The following SLC35F3 variants were observed in gnomAD, a reference collection of about 807,000 sequenced individuals.
SLC35F3 encodes the protein putative thiamine transporter SLC35F3.
SLC35F3 carries 25 observed loss-of-function variants against 49.9 expected under a neutral mutation model. That is an observed-to-expected ratio of 0.50 (90% CI 0.37 to 0.70). The LOEUF (loss-of-function observed/expected upper bound fraction) is 0.70. Among genes scored for constraint, SLC35F3 ranks in the 30% least tolerant of loss-of-function variants. The pLI is 0.00. For missense variants in SLC35F3, 525 were observed against 639.8 expected (o/e 0.82, Z 1.94); for synonymous variants, 275 against 265.4 (o/e 1.04, Z -0.35).
At chr1:234,205,186 G>T (rs1166754114) in intron 2 of SLC35F3, among the ~76,000 whole-genome samples, 1 of 152,172 alleles carries the variant, frequency 6.6e-6, no homozygotes, top group Non-Finnish European at 1.5e-5. Flanking sequence ...CTCCCATTCA[G>T]TGAGTTCCCA....
At chr1:234,270,583 C>T (rs539210883) in intron 3 of SLC35F3, among the ~76,000 whole-genome samples, 2 of 151,918 alleles carry the variant, frequency 1.3e-5, no homozygotes, top group Admixed American at 1.3e-4. Flanking sequence ...TTCACTTCAC[C>T]CTCATCCTAC....
intron 2 of SLC35F3, among the ~76,000 whole-genome samples, chr1:234,108,422 T>G (rs1665326566): frequency 1.1e-5 from 1 of 92,380 alleles, no homozygotes; most frequent in African/African-American, 3.7e-5. Context: ...ATATATTATT[T>G]ATATATAAAA....
At chr1:233,983,976 T>C (rs989947965) in intron 2 of SLC35F3, among the ~76,000 whole-genome samples, 2 of 152,198 alleles carry the variant, frequency 1.3e-5, no homozygotes, top group African/African-American at 2.4e-5. Flanking sequence ...AGGATTATCA[T>C]ACCCAACGCA....
At chr1:233,956,849 C>T (rs947201638) in intron 2 of SLC35F3, among the ~76,000 whole-genome samples, 1 of 152,208 alleles carries the variant, frequency 6.6e-6, no homozygotes, top group Non-Finnish European at 1.5e-5. Context: ...ACTCCTTTCC[C>T]ATTCATGGGG....
rs974118405 is a variant in SLC35F3, at chr1:234,318,625, T to C, written c.955-126T>C. 8 of 757,374 alleles carry C rather than the reference T, an allele frequency of 1.1e-5. No individual in the cohort carries two copies. In the African/African-American group the frequency reaches 1.4e-4, roughly 13 times the overall value. 46.9% of individuals were successfully genotyped at this position (757,374 alleles called of 1,614,324 possible). A position where few individuals can be genotyped will look rare whatever the true frequency, so the allele number is the denominator to read the frequency against. ...GAACACAGGCCAAACCCCATGGAAT[T>C]CACCTGGAATCTGGTTTCCATCCTG... On this transcript the variant is annotated intron_variant, in intron 5 of 7. Coordinates refer to ENST00000366618, the MANE Select transcript of SLC35F3 (RefSeq NM_173508.4).
intron 3 of SLC35F3, among the ~76,000 whole-genome samples, chr1:234,266,879 T>TG (rs1437726720): frequency 1.1e-4 from 16 of 148,738 alleles, no homozygotes; most frequent in African/African-American, 2.0e-4. Context: ...CATGGTTTTT[T>TG]TTTTTTTTTT....
chr1:234,016,115 G>A (rs1418904442), intron 2 of SLC35F3, among the ~76,000 whole-genome samples: 3 of 152,152 alleles, frequency 2.0e-5, no homozygotes, highest in Non-Finnish European at 2.9e-5. Flanking sequence ...CATCACACCT[G>A]TCAAAGTGGC....
At chr1:234,259,643 C>T (rs537649072) in intron 3 of SLC35F3, among the ~76,000 whole-genome samples, 10 of 151,958 alleles carry the variant, frequency 6.6e-5, no homozygotes, top group South Asian at 4.2e-4. Flanking sequence ...CGCTGCACTC[C>T]GGCCTGGGTG....
intron 3 of SLC35F3, among the ~76,000 whole-genome samples, chr1:234,292,130 A>G (rs1395132316): frequency 1.3e-5 from 2 of 152,148 alleles, no homozygotes; most frequent in Non-Finnish European, 2.9e-5. Context: ...TCCTATAAAC[A>G]CTGCTGCAGT....
chr1:234,297,412 G>A (rs190982749), intron 3 of SLC35F3, among the ~76,000 whole-genome samples: 3 of 152,264 alleles, frequency 2.0e-5, no homozygotes, highest in Non-Finnish European at 2.9e-5. Context: ...ATGGATGAAT[G>A]GATAAAGTGT....
intron 3 of SLC35F3, among the ~76,000 whole-genome samples, chr1:234,247,627 G>C (rs1667656003): frequency 6.6e-6 from 1 of 152,100 alleles, no homozygotes; most frequent in Admixed American, 6.6e-5. Context: ...CAGTAGGTTG[G>C]TTGGCTGGTC....
chr1:234,198,715 T>C (rs925206887), intron 2 of SLC35F3, among the ~76,000 whole-genome samples: 1 of 152,222 alleles, frequency 6.6e-6, no homozygotes, highest in Non-Finnish European at 1.5e-5. Flanking sequence ...AAAGATTAAG[T>C]CAAGATCGTT....
At chr1:234,232,222 G>C (rs1667390279) in intron 3 of SLC35F3, among the ~76,000 whole-genome samples, 1 of 152,270 alleles carries the variant, frequency 6.6e-6, no homozygotes, top group Admixed American at 6.5e-5. Context: ...GTATGTAATT[G>C]CATGGGTCTG....
In SLC35F3 at chr1:233,905,147, G is replaced by T. The variant is rs989273594; in HGVS notation, c.53+17G>T. 21 of 1,551,480 alleles carry T rather than the reference G, an allele frequency of 1.4e-5. No individual in the cohort carries two copies. The South Asian group carries it at 2.5e-4, about 18-fold the overall frequency. On this transcript the variant is annotated intron_variant, in intron 1 of 7. Transcript: ENST00000366618. ...CATTGCCGTGTGAGTAGCGCCCCGGGCGTGGGTGAGCGAGCCGGCGGGCGG... is the reference window on the plus strand; with the variant it reads ...CATTGCCGTGTGAGTAGCGCCCCGGTCGTGGGTGAGCGAGCCGGCGGGCGG...
At chr1:234,267,511 A>ACCC (rs1254802490) in intron 3 of SLC35F3, among the ~76,000 whole-genome samples, 1 of 128,260 alleles carries the variant, frequency 7.8e-6, no homozygotes, top group African/African-American at 3.3e-5. Context: ...CGGGGGGCTG[A>ACCC]CCCCCCCACC....
chr1:233,990,705 C>T (rs768339930), intron 2 of SLC35F3, among the ~76,000 whole-genome samples: 3 of 152,134 alleles, frequency 2.0e-5, no homozygotes, highest in Non-Finnish European at 4.4e-5. Flanking sequence ...AATGTGTGCA[C>T]ATATCAAAAC....
chr1:234,153,736 T>C (rs1262443779), intron 2 of SLC35F3, among the ~76,000 whole-genome samples: 1 of 152,016 alleles, frequency 6.6e-6, no homozygotes, highest in Non-Finnish European at 1.5e-5. Context: ...ATACCAGCCA[T>C]GGGCAACATG....
At chr1:234,068,542 G>A (rs1664654476) in intron 2 of SLC35F3, among the ~76,000 whole-genome samples, 1 of 151,906 alleles carries the variant, frequency 6.6e-6, no homozygotes, top group Non-Finnish European at 1.5e-5. Flanking sequence ...AGCCATCATA[G>A]AACCCATAAT....
chr1:233,982,806 A>T (rs1035713573), intron 2 of SLC35F3, among the ~76,000 whole-genome samples: 3 of 152,170 alleles, frequency 2.0e-5, no homozygotes, highest in Non-Finnish European at 4.4e-5. Flanking sequence ...TTATTCTCTG[A>T]TCGGGAGGGA....
Sources: gnomAD v4.1 joint callset for allele counts (sites outside exome capture counted in the v4.1 genomes callset) on GRCh38, gnomAD v4.1.1 for gene constraint, MANE v1.5 for transcripts, NCBI Gene and HGNC (gene_info 2026-07-23, HGNC 2026-07-21) for gene names.